CCDC91: variants seen among roughly 807,000 people sequenced by gnomAD.
CCDC91 encodes the protein coiled-coil domain-containing protein 91.
A neutral mutation model predicts 63.2 loss-of-function variants in CCDC91; 48 were observed. The observed-to-expected ratio is 0.76, with a 90% CI of 0.60 to 0.97. CCDC91 has a LOEUF of 0.97. CCDC91 is among the 50% of genes least tolerant of loss of function. CCDC91 has a pLI of 0.00. For missense variants in CCDC91, 500 were observed against 494.6 expected (o/e 1.01, Z -0.10); for synonymous variants, 167 against 165.8 (o/e 1.01, Z -0.06).
chr12:28,360,518 G>A (rs1943809380), intron 6 of CCDC91, among the ~76,000 whole-genome samples: 1 of 152,158 alleles, frequency 6.6e-6, no homozygotes, highest in Admixed American at 6.5e-5. Context: ...GTCAGAAGGG[G>A]AGTGTGTGGA....
At chr12:28,365,626 C>A (rs11049556) in intron 7 of CCDC91, among the ~76,000 whole-genome samples, 30,718 of 152,110 alleles carry the variant, frequency 0.2, 4,065 homozygotes, top group Non-Finnish European at 0.3. Context: ...AAAGATTATT[C>A]ATTATCTTCT....
At chr12:28,206,232 A>C (rs1196498622) in intron 1 of CCDC91, among the ~76,000 whole-genome samples, 1 of 152,192 alleles carries the variant, frequency 6.6e-6, no homozygotes, top group Non-Finnish European at 1.5e-5. Flanking sequence ...ATTTTGTTTA[A>C]AAAAATTCCA....
intron 6 of CCDC91, among the ~76,000 whole-genome samples, chr12:28,360,208 G>C (rs1425972578): frequency 1.3e-5 from 2 of 152,084 alleles, no homozygotes; most frequent in Non-Finnish European, 2.9e-5. Flanking sequence ...CAAGATAAAG[G>C]GCTTACCAGA....
chr12:28,449,574 A>C (rs1197315108), intron 8 of CCDC91, among the ~76,000 whole-genome samples: 1 of 152,024 alleles, frequency 6.6e-6, no homozygotes, highest in African/African-American at 2.4e-5. Context: ...GCACATCAAA[A>C]TAAAAATAGA....
intron 6 of CCDC91, among the ~76,000 whole-genome samples, chr12:28,335,309 A>C (rs1172866555): frequency 7.2e-6 from 1 of 139,654 alleles, no homozygotes; most frequent in Non-Finnish European, 1.5e-5. Context: ...TATATAATAC[A>C]TATTATGTAT....
At chr12:28,241,526 C>G (rs1945333238) in intron 1 of CCDC91, among the ~76,000 whole-genome samples, 1 of 152,102 alleles carries the variant, frequency 6.6e-6, no homozygotes, top group Admixed American at 6.5e-5. Flanking sequence ...GAAAAACTCT[C>G]TCAGGTAATC....
At chr12:28,508,331 C>CT (rs1379601480) in intron 12 of CCDC91, among the ~76,000 whole-genome samples, 1 of 151,748 alleles carries the variant, frequency 6.6e-6, no homozygotes, top group Non-Finnish European at 1.5e-5. Flanking sequence ...CTTCTCTGTT[C>CT]TTTTTTCTGG....
At chr12:28,436,058 T>C (rs749988755) in intron 8 of CCDC91, among the ~76,000 whole-genome samples, 3 of 151,860 alleles carry the variant, frequency 2.0e-5, no homozygotes, top group Non-Finnish European at 4.4e-5. Flanking sequence ...TCTCTGTCTT[T>C]TAATTGTTGT....
chr12:28,509,449 A>C (rs1939122655), intron 12 of CCDC91, among the ~76,000 whole-genome samples: 2 of 151,872 alleles, frequency 1.3e-5, no homozygotes, highest in Non-Finnish European at 2.9e-5. Flanking sequence ...TGAAAGACTG[A>C]GTATTATTTA....
At chr12:28,256,960 A>T in intron 1 of CCDC91, 1 of 413,452 alleles carries the variant, frequency 2.4e-6, no homozygotes, top group Non-Finnish European at 4.3e-6. Flanking sequence ...GTAAAAGAAT[A>T]TTTTTCCACT....
chr12:28,378,220 T>C (rs1362184894), intron 7 of CCDC91, among the ~76,000 whole-genome samples: 1 of 152,088 alleles, frequency 6.6e-6, no homozygotes, highest in Non-Finnish European at 1.5e-5. Flanking sequence ...TTTTGGTCTT[T>C]TGTGCATTTT....
chr12:28,468,016 A>G (rs1048969350), intron 11 of CCDC91, among the ~76,000 whole-genome samples: 4 of 151,972 alleles, frequency 2.6e-5, no homozygotes, highest in South Asian at 2.1e-4. Context: ...ATAAACAACA[A>G]TGCATCTTAA....
At chr12:28,505,885 G>C (rs913698484) in intron 12 of CCDC91, among the ~76,000 whole-genome samples, 1 of 151,998 alleles carries the variant, frequency 6.6e-6, no homozygotes, top group African/African-American at 2.4e-5. Flanking sequence ...AGAGCAAACA[G>C]AGATGACTGC....
At chr12:28,342,868 G>C (rs1178128500) in intron 6 of CCDC91, among the ~76,000 whole-genome samples, 1 of 152,114 alleles carries the variant, frequency 6.6e-6, no homozygotes, top group African/African-American at 2.4e-5. Context: ...GAGTTGAGGA[G>C]ATATTGGAGG....
At chr12:28,292,789 C>G (rs77842813) in intron 3 of CCDC91, among the ~76,000 whole-genome samples, 105 of 152,200 alleles carry the variant, frequency 6.9e-4, no homozygotes, top group Non-Finnish European at 1.3e-3. Context: ...ATAGAGTACT[C>G]TATTTGGGTA....
At chr12:28,441,843 T>C (rs762627662) in intron 8 of CCDC91, among the ~76,000 whole-genome samples, 1 of 151,720 alleles carries the variant, frequency 6.6e-6, no homozygotes, top group Non-Finnish European at 1.5e-5. Context: ...TTTTGGGTAA[T>C]GAAAATATTC....
intron 7 of CCDC91, among the ~76,000 whole-genome samples, chr12:28,370,134 T>A (rs182161603): frequency 1.7e-3 from 262 of 152,360 alleles, no homozygotes; most frequent in Middle Eastern, 6.8e-3. Flanking sequence ...TATTTTCTAT[T>A]GCATGTTCAG....
chr12:28,368,239 G>A (rs535699556), intron 7 of CCDC91, among the ~76,000 whole-genome samples: 2 of 152,278 alleles, frequency 1.3e-5, no homozygotes, highest in African/African-American at 4.8e-5. Flanking sequence ...GAGGTCAGAG[G>A]AAATGGAACA....
At chr12:28,477,661 G>A (rs1255135690) in intron 11 of CCDC91, among the ~76,000 whole-genome samples, 1 of 152,136 alleles carries the variant, frequency 6.6e-6, no homozygotes, top group Non-Finnish European at 1.5e-5. Context: ...CAGGAAAAGA[G>A]GAAGTCAAAT....
Sources: allele counts gnomAD v4.1 joint callset (sites outside exome capture counted in the v4.1 genomes callset), GRCh38; gene constraint gnomAD v4.1.1; transcripts MANE v1.5; gene names NCBI Gene and HGNC (gene_info 2026-07-23, HGNC 2026-07-21).